The following MCM2 variants were observed in gnomAD, a reference collection of about 807,000 sequenced individuals.
The protein encoded by MCM2 is DNA replication licensing factor MCM2.
In MCM2, 49 loss-of-function variants were observed where a neutral mutation model predicts 86.4. The observed-to-expected ratio is 0.57, with a 90% confidence interval of 0.45 to 0.72. The LOEUF is 0.72. Ranked by LOEUF, MCM2 falls within the 30% of genes least tolerant of loss-of-function variation. The probability of loss-of-function intolerance (pLI) is 0.00; values close to 1 mark genes in which losing one functional copy is unlikely to be tolerated. For synonymous variants in MCM2, 475 were observed against 484.6 expected, an observed-to-expected ratio of 0.98 and a Z score of 0.26; for missense variants, 1,038 against 1,259.9, an observed-to-expected ratio of 0.82 and a Z score of 2.67.
chr3:127,618,801 A>ATTAATTTTTAATT lies in MCM2; in HGVS notation c.2014-226_2014-225insTTAATTTTTAATT, dbSNP rs2074452434. On this transcript the variant is annotated intron_variant, in intron 12 of 15. Transcript: ENST00000265056. The surrounding 1 kb of genome is among the most constrained non-coding windows in gnomAD (Gnocchi z 4.0). ...CATTACTTTCCATAATTAATTTTTA[A>ATTAATTTTTAATT]GACTATTTGTCTCCTGTCCCCTTGT... Among the ~76,000 whole-genome samples, 1 of 152,108 alleles carries ATTAATTTTTAATT rather than the reference A, an allele frequency of 6.6e-6. No individual in the cohort carries two copies. Among genetic ancestry groups the ATTAATTTTTAATT allele is most frequent in the Non-Finnish European group, 1.5e-5 (1 of 68,018 alleles).
At chr3:127,601,273 T>C (rs1202340338) in intron 2 of MCM2, among the ~76,000 whole-genome samples, 1 of 152,276 alleles carries the variant, frequency 6.6e-6, no homozygotes, top group African/African-American at 2.4e-5. Context: ...ACCACATCTA[T>C]TCATCAGTTG....
At chr3:127,620,050 A>G (rs1355436551) in intron 13 of MCM2, among the ~76,000 whole-genome samples, 3 of 152,170 alleles carry the variant, frequency 2.0e-5, no homozygotes, top group Non-Finnish European at 4.4e-5. Context: ...TTTAGATGAA[A>G]TTTAAATGTG....
intron 6 of MCM2, among the ~76,000 whole-genome samples, chr3:127,607,507 C>T (rs947951888): frequency 6.6e-6 from 1 of 152,204 alleles, no homozygotes; most frequent in African/African-American, 2.4e-5. Flanking sequence ...GAGGTTCCAC[C>T]TGTGGCCACC....
rs757764736 is a variant in MCM2, at chr3:127,621,238, C to T, written c.2604+10C>T. 31 of 1,613,406 alleles carry T rather than the reference C, an allele frequency of 1.9e-5. No homozygotes were observed. The highest frequency in any genetic ancestry group is 3.3e-5 in the Admixed American group (2 of 59,974). ...GGACTTGGTGGATAAGGTATGGGCC[C>T]GGAAGGGAGGTGAGGGTTGGGGTAT... On this transcript the variant is annotated intron_variant, in intron 15 of 15. Transcript: ENST00000265056.
rs188570870 is a variant in MCM2 at position 127,602,450 on chromosome 3, G to A, written c.237-2158G>A. On this transcript the variant is annotated intron_variant, in intron 2 of 15. Coordinates refer to ENST00000265056, the MANE Select transcript of MCM2 (RefSeq NM_004526.4). ...AGGAGAATTCAAGGGGATTGTCTTGGGGAGGCAGTATGGCATGGGGGAAGG... is the reference window on the plus strand; with the variant it reads ...AGGAGAATTCAAGGGGATTGTCTTGAGGAGGCAGTATGGCATGGGGGAAGG... 9.9e-4 allele frequency among the ~76,000 whole-genome samples: 151 copies of A among 152,290 alleles called. 2 individuals are homozygous for A. Among genetic ancestry groups the A allele is most frequent in the East Asian group, 8.3e-3 (43 of 5,188 alleles).
Position 127,599,452 on chromosome 3 carries a change from A to G in MCM2, c.141A>G (p.Pro47=). 2 of 1,614,072 alleles carry G rather than the reference A, an allele frequency of 1.2e-6. No homozygotes were observed. The highest frequency in any genetic ancestry group is 1.7e-6 in the Non-Finnish European group (2 of 1,179,990). Residue 47 remains proline (P), a synonymous_variant, in exon 2 of 16, where the codon CCA becomes CCG. Transcript: ENST00000265056. ...CCTCCAGCCCTGGCCGTGACCTTCC[A>G]CCATTTGAGGATGAGTCCGAGGGGC... is the stretch of plus-strand genomic sequence containing the variant. ...ALTSSPGRDL[P]PFEDESEGLL...
chr3:127,617,027 A>G lies in MCM2; in HGVS notation c.1682A>G (p.Gln561Arg), dbSNP rs761840962. 14 of 1,614,202 alleles carry G rather than the reference A, an allele frequency of 8.7e-6. No homozygotes were observed. The highest frequency in any genetic ancestry group is 1.2e-5 in the Non-Finnish European group (14 of 1,180,050). ...ASAVGLTAYVQRHPVSREWTL... is the reference protein window; with the variant it reads ...ASAVGLTAYVRRHPVSREWTL... ...GCTGTGGGCCTCACGGCGTATGTCC[A>G]GCGGCACCCTGTCAGCAGGGAGTGG... Residue 561 changes from glutamine (Q) to arginine (R), a missense_variant, in exon 10 of 16, where the codon CAG becomes CGG. Around this residue, in one of 4 missense-constraint regions of MCM2, gnomAD observed 399 missense variants for 507.2 expected, o/e 0.79. Transcript: ENST00000265056. This position sits in a 1 kb window ranked among gnomAD's most constrained non-coding sequence, Gnocchi z 4.1.
chr3:127,604,428 G>A (rs1237562047), intron 2 of MCM2, 180 bp from the exon 3 acceptor site: 11 of 618,428 alleles, frequency 1.8e-5, no homozygotes, highest in Non-Finnish European at 3.2e-5. Context: ...TGGACAGATC[G>A]TGTTTTGTTC....
At position 127,617,668 on chromosome 3, in the gene MCM2, G is replaced by A. The variant is rs1365636693; in HGVS notation, c.1900+263G>A. 7.2e-5 allele frequency: 43 copies of A among 596,706 alleles called. No individual in the cohort carries two copies. In the South Asian group the frequency reaches 8.1e-4, roughly 11 times the overall value. 37.0% of individuals were successfully genotyped at this position (596,706 alleles called of 1,614,324 possible). On this transcript the variant is annotated intron_variant, in intron 11 of 15. Coordinates refer to ENST00000265056, the MANE Select transcript of MCM2 (RefSeq NM_004526.4). The surrounding 1 kb of genome is among the most constrained non-coding windows in gnomAD (Gnocchi z 4.1). Reference sequence around the variant, plus strand: ...GGGAGGAGAGCCCAGTGCCCCTCTGGCCAGGATGGAGTTGGCTGTTGGTCT... The same window carrying A: ...GGGAGGAGAGCCCAGTGCCCCTCTGACCAGGATGGAGTTGGCTGTTGGTCT...
Position 127,615,963 on chromosome 3 carries a change from C to G in MCM2, c.1522+8C>G, listed in dbSNP as rs749698235. The G allele has an allele frequency of 5.6e-6, 9 of 1,609,076 alleles. No homozygotes were observed. The highest frequency in any genetic ancestry group is 1.3e-5 in the African/African-American group (1 of 74,958). On this transcript the variant is annotated splice_region_variant and intron_variant, in intron 9 of 15. Coordinates refer to ENST00000265056, the MANE Select transcript of MCM2 (RefSeq NM_004526.4). ...GGGAGCCCAAAAACCCAGGTGAGCA[C>G]CCACCTTTCCTCTGCAGGGGTGTTA...
rs566433714 is a variant in MCM2, at chr3:127,604,976, G to A, written c.493G>A (p.Glu165Lys). Reference protein sequence around the residue: ...ERATEDGEEDEEMIESIENLE... With the variant: ...ERATEDGEEDKEMIESIENLE... Reference sequence around the variant, plus strand: ...GGCCACGGAGGACGGCGAGGAGGACGAGGAGATGATCGAGAGCATCGAGAA... The same window carrying A: ...GGCCACGGAGGACGGCGAGGAGGACAAGGAGATGATCGAGAGCATCGAGAA... Residue 165 changes from glutamate (E) to lysine (K), a missense_variant, in exon 4 of 16, where the codon GAG becomes AAG. Physicochemically the swap from Glu to Lys is moderately conservative, Grantham distance 56. This residue lies in a region of MCM2 where 300 missense variants were observed against 307.4 expected (regional missense o/e 0.98). Transcript: ENST00000265056. 8.1e-6 allele frequency: 13 copies of A among 1,613,948 alleles called. No homozygotes were observed. Among genetic ancestry groups the A allele is most frequent in the Middle Eastern group, 1.6e-4 (1 of 6,062 alleles).
intron 2 of MCM2, among the ~76,000 whole-genome samples, chr3:127,602,877 C>T (rs2074315053): frequency 6.6e-6 from 1 of 152,192 alleles, no homozygotes; most frequent in Non-Finnish European, 1.5e-5. Context: ...GGAGTTGGGT[C>T]AGCTCTCTGA....
Position 127,598,480 on chromosome 3 carries a change from C to T in MCM2, c.6+8C>T, listed in dbSNP as rs746634682. ...CGTGGTACTGCTATGGCGGTGAGCG[C>T]GCTGGCGCGTGGCGGGCGGGCGCCG... On this transcript the variant is annotated splice_region_variant and intron_variant, in intron 1 of 15. Transcript: ENST00000265056. The T allele has an allele frequency of 1.2e-6, 2 of 1,612,302 alleles. No homozygotes were observed. The highest frequency in any genetic ancestry group is 1.3e-5 in the African/African-American group (1 of 74,710).
chr3:127,617,711 A>G lies in MCM2; in HGVS notation c.1901-258A>G. 1 of 586,558 alleles carries G rather than the reference A, an allele frequency of 1.7e-6. No homozygotes were observed. Among genetic ancestry groups the G allele is most frequent in the Admixed American group, 3.0e-5 (1 of 33,450 alleles). 36.3% of individuals were successfully genotyped at this position (586,558 alleles called of 1,614,324 possible). The stretch of plus-strand genomic sequence containing the variant: ...GTTGGTCTCAGCAGCGAATGCGTAA[A>G]AGAACCCAGGCTCTGTCACCCACTG... On this transcript the variant is annotated intron_variant, in intron 11 of 15. Coordinates refer to ENST00000265056, the MANE Select transcript of MCM2 (RefSeq NM_004526.4). This position sits in a 1 kb window ranked among gnomAD's most constrained non-coding sequence, Gnocchi z 4.1.
At position 127,604,768 on chromosome 3, in the gene MCM2, C is replaced by T. The variant is rs767949485; in HGVS notation, c.397C>T (p.Arg133Cys). 2.4e-5 allele frequency: 39 copies of T among 1,595,024 alleles called. No homozygotes were observed. The highest frequency in any genetic ancestry group is 6.7e-5 in the African/African-American group (5 of 74,518). Residue 133 changes from arginine (R) to cysteine (C), a missense_variant, in exon 3 of 16, where the codon CGT becomes TGT. Physicochemically the swap from Arg to Cys is radical, Grantham distance 180. Around this residue, in one of 4 missense-constraint regions of MCM2, gnomAD observed 300 missense variants for 307.4 expected, o/e 0.98. Transcript: ENST00000265056. ...EAGRGLGRMR[R>C]GLLYDSDEED... ...TGGCCGGGGCCTGGGCCGCATGCGC[C>T]GTGGGCTCCTGTATGGTAGGTCCAG...
chr3:127,620,762 ACG>A lies in MCM2; in HGVS notation c.2336_2337del (p.Arg779HisfsTer48), dbSNP rs1420264984. On this transcript the variant is annotated frameshift_variant, in exon 14 of 16. Transcript: ENST00000265056. LOFTEE classifies it high-confidence loss of function. The stretch of plus-strand genomic sequence containing the variant: ...TCCATGATCCGCATGGCGGAGGCCC[ACG>A]CGCGCATCCATCTGCGGGACTATGT... 6.2e-7 allele frequency: 1 copy of A among 1,613,966 alleles called. No homozygotes were observed. The highest frequency in any genetic ancestry group is 1.7e-5 in the Admixed American group (1 of 60,014).
intron 8 of MCM2, among the ~76,000 whole-genome samples, chr3:127,614,916 G>A (rs140172100): frequency 3.4e-4 from 51 of 152,218 alleles, no homozygotes; most frequent in African/African-American, 1.1e-3. Context: ...TTCCAGCCCC[G>A]GACCTGGAAT....
In MCM2 at chr3:127,617,018, C is replaced by T. The variant is rs768309904; in HGVS notation, c.1673C>T (p.Ala558Val). Reference protein sequence around the residue: ...GQGASAVGLTAYVQRHPVSRE... With the variant: ...GQGASAVGLTVYVQRHPVSRE... ...GGGGCGTCGGCTGTGGGCCTCACGG[C>T]GTATGTCCAGCGGCACCCTGTCAGC... The change falls in exon 10 of 16, where the codon GCG becomes GTG. Residue 558 changes from alanine (A) to valine (V), a missense_variant. By Grantham distance (64) the Ala-to-Val change is moderately conservative. Coordinates refer to ENST00000265056, the MANE Select transcript of MCM2 (RefSeq NM_004526.4). The surrounding 1 kb of genome is among the most constrained non-coding windows in gnomAD (Gnocchi z 4.1). 23 of 1,614,058 alleles carry T rather than the reference C, an allele frequency of 1.4e-5. No homozygotes were observed. In the Admixed American group the frequency reaches 1.7e-4, roughly 12 times the overall value.
At position 127,604,953 on chromosome 3, in the gene MCM2, C is replaced by T; in HGVS notation, c.470C>T (p.Ala157Val). 2 of 1,606,272 alleles carry T rather than the reference C, an allele frequency of 1.2e-6. No individual in the cohort carries two copies. The highest frequency in any genetic ancestry group is 1.7e-6 in the Non-Finnish European group (2 of 1,173,512). The change falls in exon 4 of 16, where the codon GCC (alanine) becomes GTC (valine). Residue 157 changes from alanine to valine, a missense_variant. By Grantham distance (64) the Ala-to-Val change is moderately conservative (BLOSUM62 0). This residue lies in a region of MCM2 where 300 missense variants were observed against 307.4 expected (regional missense o/e 0.98). Transcript: ENST00000265056. ...PARKRRQVER[A>V]TEDGEEDEEM... ...CGCAAGCGCCGCCAGGTGGAGCGGG[C>T]CACGGAGGACGGCGAGGAGGACGAG...
Sources: allele counts gnomAD v4.1 joint callset (sites outside exome capture counted in the v4.1 genomes callset), GRCh38; gene constraint gnomAD v4.1.1; regional missense constraint gnomAD v4.1.1; non-coding constraint Gnocchi (gnomAD v3.1); transcripts MANE v1.5; gene names NCBI Gene and HGNC (gene_info 2026-07-23, HGNC 2026-07-21).